Variants in BCL9 observed in about 807,000 individuals in gnomAD.
BCL9 encodes the protein BCL9 transcription coactivator, also known as B-cell CLL/lymphoma 9 protein.
Under a neutral mutation model 88.5 loss-of-function variants are expected in BCL9, and 25 were observed. The observed-to-expected ratio is 0.28, with a 90% CI of 0.21 to 0.39. The LOEUF (loss-of-function observed/expected upper bound fraction) is 0.39, where lower values mean the gene tolerates loss of function less well. Ranked by LOEUF, BCL9 falls within the 10% of genes least tolerant of loss-of-function variation. BCL9 has a pLI of 1.00. For missense variants in BCL9, 1,817 were observed against 1,877.8 expected (o/e 0.97, Z 0.60); for synonymous variants, 711 against 673.3 (o/e 1.06, Z -0.87).
intron 1 of BCL9, among the ~76,000 whole-genome samples, chr1:147,573,966 A>G (rs1159242170): frequency 1.3e-5 from 2 of 149,752 alleles, no homozygotes; most frequent in Non-Finnish European, 3.0e-5. Context: ...CCTTGAAGGG[A>G]AAAAAAAAAT....
At chr1:147,562,217 A>G (rs190250888) in intron 1 of BCL9, among the ~76,000 whole-genome samples, 76 of 152,208 alleles carry the variant, frequency 5.0e-4, no homozygotes, top group African/African-American at 1.8e-3. Context: ...AATCCTAGCT[A>G]CTCGGGAAGG....
intron 8 of BCL9, among the ~76,000 whole-genome samples, chr1:147,621,670 G>T (rs1658657082): frequency 6.6e-6 from 1 of 152,148 alleles, no homozygotes. Flanking sequence ...TACTAGGTTG[G>T]TGCTGTCTCC....
chr1:147,550,026 T>C (rs1654815131), intron 1 of BCL9, among the ~76,000 whole-genome samples: 1 of 152,212 alleles, frequency 6.6e-6, no homozygotes, highest in African/African-American at 2.4e-5. Flanking sequence ...CCTTACATTC[T>C]TTCAGCTGCA....
chr1:147,615,730 TAA>T lies in BCL9; in HGVS notation c.561-71_561-70del. ...CTCCCTTACAAGTTTATTGTGTGGT[TAA>T]AGTGCTTTGGAATTACAGTTAGTGA... On this transcript the variant is annotated intron_variant, in intron 6 of 9. Coordinates refer to ENST00000234739, the MANE Select transcript of BCL9 (RefSeq NM_004326.4). 3 of 1,238,450 alleles carry T rather than the reference TAA, an allele frequency of 2.4e-6. No individual in the cohort carries two copies. In the South Asian group the frequency reaches 3.8e-5, roughly 16 times the overall value. 76.7% of individuals were successfully genotyped at this position (1,238,450 alleles called of 1,614,324 possible).
intron 1 of BCL9, among the ~76,000 whole-genome samples, chr1:147,545,775 T>G (rs587627685): frequency 6.6e-6 from 1 of 152,340 alleles, no homozygotes; most frequent in Admixed American, 6.5e-5. Flanking sequence ...TCTCCATTCC[T>G]TTTAAACCTT....
At chr1:147,575,373 A>G (rs1173519592) in intron 1 of BCL9, among the ~76,000 whole-genome samples, 1 of 152,188 alleles carries the variant, frequency 6.6e-6, no homozygotes, top group Admixed American at 6.5e-5. Context: ...ACCAAACCAT[A>G]AGCTCATTTT....
chr1:147,619,375 A>T lies in BCL9; in HGVS notation c.1220A>T (p.Gln407Leu), dbSNP rs782458380. 2.5e-6 allele frequency: 4 copies of T among 1,614,102 alleles called. No individual in the cohort carries two copies. In the Admixed American group the frequency reaches 6.7e-5, roughly 27 times the overall value. ...GPQKKPEGPI[Q>L]AMMAQSQSLG... The stretch of plus-strand genomic sequence containing the variant: ...CAGAAAAAACCAGAAGGGCCAATAC[A>T]GGCCATGATGGCCCAATCCCAAAGC... Residue 407 changes from glutamine (Q) to leucine (L), a missense_variant, in exon 8 of 10, where the codon CAG (glutamine) becomes CTG (leucine). Coordinates refer to ENST00000234739, the MANE Select transcript of BCL9 (RefSeq NM_004326.4). This position sits in a 1 kb window ranked among gnomAD's most constrained non-coding sequence, Gnocchi z 4.1.
chr1:147,570,587 C>A (rs1031094007), intron 1 of BCL9, among the ~76,000 whole-genome samples: 1 of 151,460 alleles, frequency 6.6e-6, no homozygotes, highest in Non-Finnish European at 1.5e-5. Flanking sequence ...TCCCTTTGCC[C>A]CCCATTCCCA....
At chr1:147,601,065 C>T (rs1657365068) in intron 1 of BCL9, among the ~76,000 whole-genome samples, 1 of 152,040 alleles carries the variant, frequency 6.6e-6, no homozygotes. Flanking sequence ...GGGCCAGAGG[C>T]CTGTAATAGT....
At chr1:147,567,667 TG>T (rs1655671482) in intron 1 of BCL9, among the ~76,000 whole-genome samples, 1 of 152,188 alleles carries the variant, frequency 6.6e-6, no homozygotes, top group Non-Finnish European at 1.5e-5. Context: ...TGCCTAACTC[TG>T]TTGAAGGAAA....
intron 1 of BCL9, among the ~76,000 whole-genome samples, chr1:147,599,283 G>T (rs1298406121): frequency 6.6e-6 from 1 of 152,238 alleles, no homozygotes; most frequent in Non-Finnish European, 1.5e-5. Context: ...TGGCCCAGGC[G>T]GTGCAGACTC....
intron 1 of BCL9, among the ~76,000 whole-genome samples, chr1:147,581,661 T>G (rs1243299904): frequency 2.6e-5 from 4 of 152,200 alleles, no homozygotes; most frequent in Admixed American, 6.5e-5. Context: ...ATCTCATGCT[T>G]CTTTTTCTGG....
At chr1:147,583,819 G>C (rs1353436644) in intron 1 of BCL9, among the ~76,000 whole-genome samples, 1 of 151,256 alleles carries the variant, frequency 6.6e-6, no homozygotes, top group Non-Finnish European at 1.5e-5. Flanking sequence ...TGGGCATGGT[G>C]GCTGGCACTT....
chr1:147,562,888 C>G (rs1655440585), intron 1 of BCL9, among the ~76,000 whole-genome samples: 1 of 152,184 alleles, frequency 6.6e-6, no homozygotes, highest in South Asian at 2.1e-4. Context: ...AACCCCTTAC[C>G]ATGGCGTGGT....
intron 1 of BCL9, among the ~76,000 whole-genome samples, chr1:147,595,843 G>A (rs373864849): frequency 6.6e-5 from 10 of 152,310 alleles, no homozygotes; most frequent in Admixed American, 4.6e-4. Flanking sequence ...CCTTGGTAAG[G>A]CATGATGGAC....
intron 1 of BCL9, among the ~76,000 whole-genome samples, chr1:147,553,660 G>C (rs1309950941): frequency 1.3e-5 from 2 of 152,148 alleles, no homozygotes; most frequent in African/African-American, 4.8e-5. Flanking sequence ...ATTGATGTCT[G>C]TGCCCTAGTT....
chr1:147,547,833 G>T (rs1198144595), intron 1 of BCL9, among the ~76,000 whole-genome samples: 1 of 152,140 alleles, frequency 6.6e-6, no homozygotes, highest in Non-Finnish European at 1.5e-5. Context: ...TTTGTGAAGC[G>T]TTTGGTTACC....
At chr1:147,565,449 ATCAGTGGGCAT>A (rs1655557910) in intron 1 of BCL9, among the ~76,000 whole-genome samples, 1 of 152,236 alleles carries the variant, frequency 6.6e-6, no homozygotes, top group Non-Finnish European at 1.5e-5. Context: ...GCTAGCTGTT[ATCAGTGGGCAT>A]TCTTCCTCTT....
intron 1 of BCL9, among the ~76,000 whole-genome samples, chr1:147,554,227 G>T (rs1387758755): frequency 6.6e-6 from 1 of 152,116 alleles, no homozygotes; most frequent in East Asian, 1.9e-4. Context: ...CTTAAAATCA[G>T]AAATCAGCAT....
Sources: gnomAD v4.1 joint callset for allele counts (sites outside exome capture counted in the v4.1 genomes callset) on GRCh38, gnomAD v4.1.1 for gene constraint, Gnocchi (gnomAD v3.1) non-coding constraint, MANE v1.5 for transcripts, NCBI Gene and HGNC (gene_info 2026-07-23, HGNC 2026-07-21) for gene names.